Variants in PPP2R1B observed in about 807,000 individuals in gnomAD.
PPP2R1B encodes the protein serine/threonine-protein phosphatase 2A 65 kDa regulatory subunit A beta isoform.
PPP2R1B carries 58 observed loss-of-function variants against 72.7 expected under a neutral mutation model. The observed-to-expected ratio is 0.80, with a 90% CI of 0.65 to 0.99. The LOEUF (loss-of-function observed/expected upper bound fraction) is 0.99, where lower values mean the gene tolerates loss of function less well. Ranked by LOEUF, PPP2R1B falls within the 50% of genes least tolerant of loss-of-function variation. The probability of loss-of-function intolerance (pLI) is 0.00; values close to 1 mark genes in which losing one functional copy is unlikely to be tolerated. For synonymous variants in PPP2R1B, 256 were observed against 264.6 expected, an observed-to-expected ratio of 0.97 and a Z score of 0.32; for missense variants, 695 against 733.6, an observed-to-expected ratio of 0.95 and a Z score of 0.61.
downstream of PPP2R1B, chr11:111,721,980 T>C: frequency 6.9e-7 from 1 of 1,456,252 alleles, no homozygotes; most frequent in Non-Finnish European, 9.3e-7. Flanking sequence ...ACTCTGCTCA[T>C]CCAGAATCTG....
chr11:111,726,884 G>A (rs139119746), downstream of PPP2R1B: 24 of 1,299,784 alleles, frequency 1.8e-5, no homozygotes, highest in African/African-American at 2.9e-5. Flanking sequence ...TGAGATGAAC[G>A]TGAGGTAAAA....
At chr11:111,707,221 G>C in the PPP2R1B span, among the ~76,000 whole-genome samples, 2 of 152,206 alleles carry the variant, frequency 1.3e-5, no homozygotes, top group Admixed American at 1.3e-4. Flanking sequence ...TCCCTGCCAA[G>C]TCTCTTTATT....
intron 7 of PPP2R1B, 93 bp from the exon 8 acceptor site, chr11:111,754,662 T>G (rs1945034672): frequency 6.7e-6 from 10 of 1,493,894 alleles, no homozygotes; most frequent in Non-Finnish European, 8.9e-7. Context: ...ATAATTTCAA[T>G]TAAATTATAT....
At chr11:111,742,320 A>AC in intron 13 of PPP2R1B, 176 bp from the exon 14 acceptor site, 1 of 750,622 alleles carries the variant, frequency 1.3e-6, no homozygotes, top group Non-Finnish European at 2.1e-6. Context: ...TCAGCTTCAG[A>AC]CAAGGATCTA....
In PPP2R1B at chr11:111,740,844, G is replaced by C. The variant is rs1487837861; in HGVS notation, c.*752C>G. 1.0e-6 allele frequency: 1 copy of C among 985,272 alleles called. No homozygotes were observed. Among genetic ancestry groups the C allele is most frequent in the African/African-American group, 1.7e-5 (1 of 57,212 alleles). 61.0% of individuals were successfully genotyped at this position (985,272 alleles called of 1,614,324 possible). On this transcript the variant is annotated 3_prime_UTR_variant, in exon 15 of 15. Transcript: ENST00000527614. Reference sequence around the variant, plus strand: ...AAACAAACATACTGCTTATTAGGAGGCACTACAGTTAAAGCTTTTTAGAAA... The same window carrying C: ...AAACAAACATACTGCTTATTAGGAGCCACTACAGTTAAAGCTTTTTAGAAA...
the PPP2R1B span, chr11:111,712,505 G>C: frequency 1.0e-6 from 1 of 965,830 alleles, no homozygotes; most frequent in South Asian, 1.7e-5. Context: ...ATGCTTTTGT[G>C]GAGAAAAACC....
intron 3 of PPP2R1B, among the ~76,000 whole-genome samples, chr11:111,763,783 T>A (rs577488782): frequency 9.5e-4 from 145 of 152,060 alleles, no homozygotes; most frequent in Non-Finnish European, 1.7e-3. Flanking sequence ...ATGTTAAGTT[T>A]GAAATACCTG....
chr11:111,753,711 C>T, intron 8 of PPP2R1B, 134 bp from the exon 9 acceptor site: 1 of 879,360 alleles, frequency 1.1e-6, no homozygotes, highest in Non-Finnish European at 1.7e-6. Flanking sequence ...ACTGCAGCCT[C>T]ACCCTCCCAG....
the PPP2R1B span, among the ~76,000 whole-genome samples, chr11:111,714,087 T>C: frequency 1.3e-5 from 2 of 152,156 alleles, no homozygotes; most frequent in Admixed American, 6.5e-5. Flanking sequence ...GAACTGAGGA[T>C]TGAAAGACGG....
Position 111,739,536 on chromosome 11 carries a change from G to C in PPP2R1B, c.*2060C>G. 1 of 985,402 alleles carries C rather than the reference G, an allele frequency of 1.0e-6. No homozygotes were observed. Among genetic ancestry groups the C allele is most frequent in the Non-Finnish European group, 1.2e-6 (1 of 829,932 alleles). 61.0% of individuals were successfully genotyped at this position (985,402 alleles called of 1,614,324 possible). A position where few individuals can be genotyped will look rare whatever the true frequency, so the allele number is the denominator to read the frequency against. On this transcript the variant is annotated 3_prime_UTR_variant, in exon 15 of 15. Coordinates refer to ENST00000527614, the MANE Select transcript of PPP2R1B (RefSeq NM_002716.5). Reference sequence around the variant, plus strand: ...GAACCCCCGACCCATGCTTGAGAAAGCCAGGGCCCACTCTCCCTCTCTCAA... The same window carrying C: ...GAACCCCCGACCCATGCTTGAGAAACCCAGGGCCCACTCTCCCTCTCTCAA...
the PPP2R1B span, chr11:111,704,966 AC>A: frequency 6.3e-7 from 1 of 1,590,256 alleles, no homozygotes; most frequent in Non-Finnish European, 8.5e-7. Context: ...CTTTGCCTTT[AC>A]CACTTGTTTT....
chr11:111,701,475 C>T, the PPP2R1B span: 1 of 1,613,644 alleles, frequency 6.2e-7, no homozygotes, highest in South Asian at 1.1e-5. The surrounding 1 kb of genome is among the most constrained non-coding windows in gnomAD (Gnocchi z 4.2). Context: ...TTCTTTATGT[C>T]CTTGTCTGTG....
At chr11:111,733,659 A>G (rs1270906312), downstream of PPP2R1B, among the ~76,000 whole-genome samples, 1 of 152,128 alleles carries the variant, frequency 6.6e-6, no homozygotes, top group East Asian at 1.9e-4. Context: ...AAAGCCCACC[A>G]AGCCCTTTCC....
At chr11:111,731,441 GC>G (rs1372265645) in intron 15 of PPP2R1B, among the ~76,000 whole-genome samples, 1 of 152,246 alleles carries the variant, frequency 6.6e-6, no homozygotes, top group Non-Finnish European at 1.5e-5. Flanking sequence ...CCAGCTCCAC[GC>G]CCTCAGGGTG....
rs1944416802 is a variant in PPP2R1B, at chr11:111,738,744, CT to C, written c.*2851del. ...ACAAGATGCATCCTCAGGTTCACAT[CT>C]TCTTGGTAGCACAGAGAGAGAAACA... On this transcript the variant is annotated 3_prime_UTR_variant, in exon 15 of 15. Coordinates refer to ENST00000527614, the MANE Select transcript of PPP2R1B (RefSeq NM_002716.5). The C allele has an allele frequency of 1.0e-6, 1 of 985,442 alleles. No homozygotes were observed. The highest frequency in any genetic ancestry group is 4.7e-5 in the South Asian group (1 of 21,286). 61.0% of individuals were successfully genotyped at this position (985,442 alleles called of 1,614,324 possible).
Position 111,740,173 on chromosome 11 carries a change from C to T in PPP2R1B, c.*1423G>A. The T allele has an allele frequency of 1.0e-6, 1 of 985,334 alleles. No homozygotes were observed. The highest frequency in any genetic ancestry group is 1.2e-6 in the Non-Finnish European group (1 of 829,886). 61.0% of individuals were successfully genotyped at this position (985,334 alleles called of 1,614,324 possible). On this transcript the variant is annotated 3_prime_UTR_variant, in exon 15 of 15. Coordinates refer to ENST00000527614, the MANE Select transcript of PPP2R1B (RefSeq NM_002716.5). Reference sequence around the variant, plus strand: ...GAGAAAAATAAACTATGGGAAAACCCCCTTAACCAAAAGTCATGAGACAAG... The same window carrying T: ...GAGAAAAATAAACTATGGGAAAACCTCCTTAACCAAAAGTCATGAGACAAG...
At chr11:111,755,524 G>A in intron 5 of PPP2R1B, 74 bp from the exon 6 acceptor site, 1 of 1,372,208 alleles carries the variant, frequency 7.3e-7, no homozygotes, top group Non-Finnish European at 9.6e-7. Flanking sequence ...TGGTGCAGGT[G>A]TTTAAAAAAA....
chr11:111,753,510 G>C lies in PPP2R1B; in HGVS notation c.1097C>G (p.Thr366Ser). Residue 366 changes from threonine to serine, a missense_variant, in exon 9 of 15, where the codon ACT (threonine) becomes AGT (serine). By Grantham distance (58) the Thr-to-Ser change is moderately conservative (BLOSUM62 1). Transcript: ENST00000527614. ...AATGGTATTTTCTTTGCCCAAAATA[G>C]TAGACAATCCCATAATTACAGAAGC... is the stretch of plus-strand genomic sequence containing the variant. ...ALASVIMGLS[T>S]ILGKENTIEH... 6.2e-7 allele frequency: 1 copy of C among 1,613,110 alleles called. No individual in the cohort carries two copies. The highest frequency in any genetic ancestry group is 1.3e-5 in the African/African-American group (1 of 75,028).
the PPP2R1B span, among the ~76,000 whole-genome samples, chr11:111,710,146 T>G: frequency 6.6e-6 from 1 of 152,206 alleles, no homozygotes; most frequent in South Asian, 2.1e-4. Flanking sequence ...AAATATACTT[T>G]AGTGGGAAGT....
Sources: allele counts gnomAD v4.1 joint callset (sites outside exome capture counted in the v4.1 genomes callset), GRCh38; gene constraint gnomAD v4.1.1; non-coding constraint Gnocchi (gnomAD v3.1); transcripts MANE v1.5; gene names NCBI Gene and HGNC (gene_info 2026-07-23, HGNC 2026-07-21).